The following CAST variants were observed in gnomAD, a reference collection of about 807,000 sequenced individuals.
CAST encodes the protein MIR583 host.
Under a neutral mutation model 119.6 loss-of-function variants are expected in CAST, and 76 were observed. The ratio of observed to expected loss-of-function variants is 0.64; its 90% confidence interval spans 0.53 to 0.77. The LOEUF is 0.77. Ranked by LOEUF, CAST falls within the 30% of genes least tolerant of loss-of-function variation. The pLI, the probability that CAST is intolerant of heterozygous loss-of-function variation, is 0.00. For synonymous variants in CAST, 319 were observed against 331.6 expected (o/e 0.96, Z 0.41); for missense variants, 953 against 946.5 (o/e 1.01, Z -0.09).
At chr5:96,204,725 C>A in the CAST span, among the ~76,000 whole-genome samples, 1 of 151,876 alleles carries the variant, frequency 6.6e-6, no homozygotes. Context: ...CAGTGAAAGT[C>A]CCCCTGCCCC....
the CAST span, among the ~76,000 whole-genome samples, chr5:96,118,093 T>C: frequency 6.6e-6 from 1 of 152,234 alleles, no homozygotes; most frequent in Non-Finnish European, 1.5e-5. Context: ...CAGCTGACCT[T>C]TCAAATGTTT....
chr5:96,332,155 C>A, the CAST span, among the ~76,000 whole-genome samples: 9 of 152,132 alleles, frequency 5.9e-5, no homozygotes, highest in African/African-American at 2.2e-4. Context: ...CAATAAAAGC[C>A]TTCTTCTCCC....
the CAST span, among the ~76,000 whole-genome samples, chr5:96,312,257 A>C: frequency 2.6e-5 from 4 of 152,010 alleles, no homozygotes; most frequent in African/African-American, 7.2e-5. Context: ...ATGAATTTTA[A>C]AGTTAATTTT....
At chr5:96,642,772 C>T (rs1747967680) in intron 1 of CAST, among the ~76,000 whole-genome samples, 1 of 152,136 alleles carries the variant, frequency 6.6e-6, no homozygotes. Flanking sequence ...TGGTCTCAAA[C>T]TCCTAACCTC....
intron 3 of CAST, among the ~76,000 whole-genome samples, chr5:96,696,521 A>G (rs1477924584): frequency 6.6e-6 from 1 of 152,012 alleles, no homozygotes; most frequent in African/African-American, 2.4e-5. Flanking sequence ...ACTTATAAAA[A>G]TCACTGAAAC....
the CAST span, among the ~76,000 whole-genome samples, chr5:96,299,838 AT>A: frequency 5.9e-5 from 9 of 151,930 alleles, no homozygotes; most frequent in Non-Finnish European, 1.0e-4. Flanking sequence ...TGATGATGTG[AT>A]TTTTTTTGTG....
At chr5:96,609,493 G>A (rs1747321237) in intron 1 of CAST, among the ~76,000 whole-genome samples, 1 of 152,120 alleles carries the variant, frequency 6.6e-6, no homozygotes, top group Admixed American at 6.5e-5. Flanking sequence ...GTCTGAGGTG[G>A]GGTCTGATAT....
the CAST span, among the ~76,000 whole-genome samples, chr5:96,243,239 T>G: frequency 1.3e-5 from 2 of 151,706 alleles, no homozygotes; most frequent in African/African-American, 4.8e-5. Context: ...ATAGAAGTAC[T>G]CAGCATAACT....
chr5:96,304,277 C>T, the CAST span, among the ~76,000 whole-genome samples: 2 of 152,066 alleles, frequency 1.3e-5, no homozygotes, highest in Non-Finnish European at 2.9e-5. Flanking sequence ...ATATCCTTTG[C>T]CCACTTTTTG....
chr5:96,178,010 A>G, the CAST span, among the ~76,000 whole-genome samples: 1 of 152,244 alleles, frequency 6.6e-6, no homozygotes, highest in Non-Finnish European at 1.5e-5. Flanking sequence ...ATGAATTCAT[A>G]TTTTGTATAC....
intron 2 of CAST, among the ~76,000 whole-genome samples, chr5:96,683,892 A>C (rs1751739903): frequency 1.3e-5 from 2 of 152,242 alleles, no homozygotes; most frequent in African/African-American, 4.8e-5. Flanking sequence ...GAAATTTAGA[A>C]AATTTACAAA....
chr5:96,241,309 G>T, the CAST span, among the ~76,000 whole-genome samples: 2 of 149,478 alleles, frequency 1.3e-5, no homozygotes, highest in Non-Finnish European at 3.0e-5. Flanking sequence ...GAGAATATGC[G>T]GTGTTTGGTT....
intron 1 of CAST, among the ~76,000 whole-genome samples, chr5:96,674,758 A>G (rs1159456439): frequency 6.6e-6 from 1 of 152,204 alleles, no homozygotes; most frequent in Non-Finnish European, 1.5e-5. Flanking sequence ...CAGTAGGGTG[A>G]CTACAGTTAA....
chr5:95,962,351 C>A, the CAST span, among the ~76,000 whole-genome samples: 1 of 143,196 alleles, frequency 7.0e-6, no homozygotes, highest in Admixed American at 7.6e-5. Flanking sequence ...AGCTGTGGAA[C>A]TTGGTGCGTG....
chr5:96,387,690 A>T, the CAST span, among the ~76,000 whole-genome samples: 1 of 152,188 alleles, frequency 6.6e-6, no homozygotes. Flanking sequence ...ATTATGCATG[A>T]TATGTGGGGA....
chr5:96,155,854 C>T, the CAST span, among the ~76,000 whole-genome samples: 3 of 152,116 alleles, frequency 2.0e-5, no homozygotes, highest in Non-Finnish European at 4.4e-5. Context: ...GGTAATAGTC[C>T]AAGATCTCAC....
At chr5:96,534,001 T>C (rs962946987) in intron 1 of CAST, among the ~76,000 whole-genome samples, 1 of 152,214 alleles carries the variant, frequency 6.6e-6, no homozygotes, top group South Asian at 2.1e-4. Context: ...AAGAAAACAA[T>C]TGACAGTGTA....
At chr5:96,617,450 T>G (rs1747483509) in intron 1 of CAST, among the ~76,000 whole-genome samples, 2 of 152,066 alleles carry the variant, frequency 1.3e-5, no homozygotes, top group Non-Finnish European at 2.9e-5. Flanking sequence ...TCACCTGAAG[T>G]TTGTATATTT....
chr5:96,098,721 T>C, the CAST span, among the ~76,000 whole-genome samples: 1 of 152,370 alleles, frequency 6.6e-6, no homozygotes, highest in Non-Finnish European at 1.5e-5. Flanking sequence ...TTTTGGTTAC[T>C]GTAGCCCTGT....
Sources: allele counts gnomAD v4.1 joint callset (sites outside exome capture counted in the v4.1 genomes callset), GRCh38; gene constraint gnomAD v4.1.1; transcripts MANE v1.5; gene names NCBI Gene and HGNC (gene_info 2026-07-23, HGNC 2026-07-21).